Variants in RIGI observed in about 807,000 individuals in gnomAD.
RIGI encodes RNA sensor RIG-I, also known as antiviral innate immune response receptor RIG-I.
At chr9:32,504,725 T>A in the RIGI span, among the ~76,000 whole-genome samples, 3 of 142,646 alleles carry the variant, frequency 2.1e-5, no homozygotes, top group Non-Finnish European at 4.5e-5. Flanking sequence ...ATATATAAAA[T>A]ATATAAAATA....
chr9:32,498,845 T>C, the RIGI span, among the ~76,000 whole-genome samples: 5 of 151,988 alleles, frequency 3.3e-5, no homozygotes, highest in Non-Finnish European at 5.9e-5. Flanking sequence ...TAGCCAGATG[T>C]GGTGGTGGCC....
the RIGI span, chr9:32,456,121 G>A: frequency 1.3e-5 from 2 of 152,188 alleles, no homozygotes; most frequent in Non-Finnish European, 2.9e-5. Context: ...CAGTCAGACT[G>A]CCTCATCTGT....
At chr9:32,505,226 TATGTGGACAGA>T in the RIGI span, among the ~76,000 whole-genome samples, 4 of 151,502 alleles carry the variant, frequency 2.6e-5, no homozygotes. Flanking sequence ...ACCCAAAAGG[TATGTGGACAGA>T]GATGCACATT....
the RIGI span, among the ~76,000 whole-genome samples, chr9:32,484,494 T>C: frequency 2.6e-5 from 4 of 152,076 alleles, no homozygotes; most frequent in African/African-American, 2.4e-5. Context: ...CTGGCATTCA[T>C]AGAGGTGCCT....
chr9:32,468,097 C>G, the RIGI span, among the ~76,000 whole-genome samples: 1 of 152,234 alleles, frequency 6.6e-6, no homozygotes, highest in African/African-American at 2.4e-5. Flanking sequence ...TATTCCTATG[C>G]CTGTTTCAGA....
the RIGI span, among the ~76,000 whole-genome samples, chr9:32,517,979 G>A: frequency 2.0e-5 from 3 of 152,146 alleles, no homozygotes; most frequent in African/African-American, 7.2e-5. Flanking sequence ...TGGGGAACAT[G>A]TTTCTAAAAA....
the RIGI span, chr9:32,481,409 G>A: frequency 6.2e-7 from 1 of 1,613,248 alleles, no homozygotes. Flanking sequence ...CTGGCATCTG[G>A]AACACCATGC....
chr9:32,491,316 A>T, the RIGI span: 276 of 1,613,218 alleles, frequency 1.7e-4, no homozygotes, highest in Non-Finnish European at 2.3e-4. Flanking sequence ...GGTGGACATG[A>T]ATTCTCACTA....
chr9:32,524,521 A>G, the RIGI span, among the ~76,000 whole-genome samples: 10 of 151,228 alleles, frequency 6.6e-5, no homozygotes, highest in Non-Finnish European at 1.5e-5. Flanking sequence ...AACTGCAATA[A>G]CATCAGGAAA....
chr9:32,504,542 G>C, the RIGI span, among the ~76,000 whole-genome samples: 15 of 151,844 alleles, frequency 9.9e-5, no homozygotes, highest in Admixed American at 2.6e-4. Flanking sequence ...GCCGGGCATG[G>C]TGGCCAGTGC....
the RIGI span, among the ~76,000 whole-genome samples, chr9:32,474,789 G>A: frequency 6.6e-6 from 1 of 152,084 alleles, no homozygotes; most frequent in Non-Finnish European, 1.5e-5. Context: ...GATAATAGAT[G>A]TTTGTTGTTT....
the RIGI span, among the ~76,000 whole-genome samples, chr9:32,478,635 C>T: frequency 6.6e-6 from 1 of 152,180 alleles, no homozygotes; most frequent in Non-Finnish European, 1.5e-5. Flanking sequence ...TCTCGGCTCA[C>T]TGCAACGTCT....
At chr9:32,480,403 T>C in the RIGI span, 27 of 1,504,566 alleles carry the variant, frequency 1.8e-5, no homozygotes, top group African/African-American at 3.5e-4. Context: ...TCTAACACAT[T>C]CACTGTATTT....
chr9:32,493,374 C>T, the RIGI span, among the ~76,000 whole-genome samples: 4 of 152,112 alleles, frequency 2.6e-5, no homozygotes, highest in Non-Finnish European at 5.9e-5. Context: ...GCCTGTAATC[C>T]CAGCACTTTG....
the RIGI span, among the ~76,000 whole-genome samples, chr9:32,492,840 C>G: frequency 6.6e-6 from 1 of 152,084 alleles, no homozygotes; most frequent in Non-Finnish European, 1.5e-5. Flanking sequence ...ACAACCATTC[C>G]CAATATGGGT....
chr9:32,473,630 T>C, the RIGI span, among the ~76,000 whole-genome samples: 80 of 152,288 alleles, frequency 5.3e-4, 1 homozygote, highest in African/African-American at 1.9e-3. Flanking sequence ...TCAAAAATAG[T>C]GGGTATGTAG....
chr9:32,501,546 CT>C, the RIGI span, among the ~76,000 whole-genome samples: 239 of 152,202 alleles, frequency 1.6e-3, no homozygotes, highest in African/African-American at 5.1e-3. Flanking sequence ...GTAAGGGATA[CT>C]TCCATGGTCC....
chr9:32,486,172 C>G, the RIGI span, among the ~76,000 whole-genome samples: 1 of 151,950 alleles, frequency 6.6e-6, no homozygotes, highest in East Asian at 1.9e-4. Flanking sequence ...TAAAGTGTAG[C>G]CGGGTGTGGT....
the RIGI span, among the ~76,000 whole-genome samples, chr9:32,459,863 A>G: frequency 3.3e-5 from 5 of 152,340 alleles, no homozygotes; most frequent in Admixed American, 6.5e-5. Flanking sequence ...CAGATATACA[A>G]TATGCGCTGT....
Sources: allele counts gnomAD v4.1 joint callset (sites outside exome capture counted in the v4.1 genomes callset), GRCh38; gene constraint gnomAD v4.1.1; transcripts MANE v1.5; gene names NCBI Gene and HGNC (gene_info 2026-07-23, HGNC 2026-07-21).